ACTN2: variants seen among roughly 807,000 people sequenced by gnomAD.
The protein encoded by ACTN2 is actinin alpha 2, also known as alpha-actinin-2.
In ACTN2, 39 loss-of-function variants were observed where a neutral mutation model predicts 113.8. That is an observed-to-expected ratio of 0.34 (90% confidence interval 0.27 to 0.45). The LOEUF is 0.45. Ranked by LOEUF, ACTN2 falls within the 20% of genes least tolerant of loss-of-function variation. The pLI, the probability that ACTN2 is intolerant of heterozygous loss-of-function variation, is 1.00. For synonymous variants in ACTN2, 429 were observed against 444.1 expected, an observed-to-expected ratio of 0.97 and a Z score of 0.43; for missense variants, 992 against 1,177.9, an observed-to-expected ratio of 0.84 and a Z score of 2.31.
intron 7 of ACTN2, chr1:236,734,548 A>G: frequency 1.4e-6 from 2 of 1,447,762 alleles, no homozygotes; most frequent in South Asian, 2.5e-5. Flanking sequence ...GTCACTGCTC[A>G]CCCTTCACCT....
chr1:236,689,361 T>C (rs1665995543), intron 1 of ACTN2, among the ~76,000 whole-genome samples: 4 of 147,508 alleles, frequency 2.7e-5, no homozygotes. Flanking sequence ...GTATATTTTA[T>C]ATATATATAT....
chr1:236,744,645 G>A lies in ACTN2; in HGVS notation c.1275G>A (p.Leu425=). The change falls in exon 12 of 21, where the codon CTG becomes CTA. Residue 425 remains leucine (L), a synonymous_variant. Transcript: ENST00000366578. The stretch of plus-strand genomic sequence containing the variant: ...TTGCAGGCAAAGAGCAGATCTTGCT[G>A]CAGAAGGATTACGAGTCGGCGTCGC... ...TWAYGKEQIL[L]QKDYESASLT... is the part of the protein sequence containing the mutation. The A allele has an allele frequency of 6.2e-7, 1 of 1,614,190 alleles. No individual in the cohort carries two copies. The highest frequency in any genetic ancestry group is 2.2e-5 in the East Asian group (1 of 44,874).
At chr1:236,727,814 C>T in intron 6 of ACTN2, 58 bp downstream of exon 6, 6 of 1,531,558 alleles carry the variant, frequency 3.9e-6, no homozygotes, top group Non-Finnish European at 5.4e-6. Context: ...GCATGTCCTG[C>T]AAATGAGCAC....
chr1:236,724,770 G>A (rs578108733), intron 4 of ACTN2, among the ~76,000 whole-genome samples: 3 of 152,136 alleles, frequency 2.0e-5, no homozygotes, highest in East Asian at 1.9e-4. Context: ...CCCTGTGCTC[G>A]CAGCTGAAGC....
At position 236,686,800 on chromosome 1, in the gene ACTN2, G is replaced by T. The variant is rs1388442588; in HGVS notation, c.126+1G>T. 6.6e-7 allele frequency: 1 copy of T among 1,504,888 alleles called. No individual in the cohort carries two copies. The highest frequency in any genetic ancestry group is 2.0e-5 in the Admixed American group (1 of 49,476). 93.2% of individuals were successfully genotyped at this position (1,504,888 alleles called of 1,614,324 possible). A position where few individuals can be genotyped will look rare whatever the true frequency, so the allele number is the denominator to read the frequency against. On this transcript the variant is annotated splice_donor_variant, in intron 1 of 20. Transcript: ENST00000366578. LOFTEE classifies it high-confidence loss of function. Reference sequence around the variant, plus strand: ...AGCCTGGGAGAAGCAGCAGAGGAAGGTCAGCAGGGGCCCGCGGGCCGCCCG... The same window carrying T: ...AGCCTGGGAGAAGCAGCAGAGGAAGTTCAGCAGGGGCCCGCGGGCCGCCCG...
chr1:236,742,842 T>G (rs1659112476), intron 10 of ACTN2, 54 bp from the exon 11 acceptor site: 17 of 1,612,168 alleles, frequency 1.1e-5, no homozygotes, highest in African/African-American at 8.0e-5. Context: ...GAGGCCAGAA[T>G]GTAACGAAGG....
intron 1 of ACTN2, among the ~76,000 whole-genome samples, chr1:236,691,275 G>A (rs1179759045): frequency 6.6e-6 from 1 of 151,516 alleles, no homozygotes; most frequent in East Asian, 1.9e-4. Flanking sequence ...TTTATATACT[G>A]GAACACTTGG....
At chr1:236,759,900 T>A in intron 19 of ACTN2, 111 bp downstream of exon 19, 1 of 934,732 alleles carries the variant, frequency 1.1e-6, no homozygotes, top group Non-Finnish European at 1.7e-6. Flanking sequence ...ATTGGTTCGT[T>A]TTCATTATAT....
chr1:236,757,079 T>C lies in ACTN2; in HGVS notation c.2155-407T>C, dbSNP rs1371889333. Among the ~76,000 whole-genome samples, 8 of 13,716 alleles carry C rather than the reference T, an allele frequency of 5.8e-4. 3 individuals are homozygous for C. The East Asian group carries it at 0.012, about 21-fold the overall frequency. 9.0% of individuals were successfully genotyped at this position (13,716 alleles called of 152,430 possible). On this transcript the variant is annotated intron_variant, in intron 17 of 20. Coordinates refer to ENST00000366578, the MANE Select transcript of ACTN2 (RefSeq NM_001103.4). Reference sequence around the variant, plus strand: ...TATACTGCAGAGTGCCTGCTGCCACTGTTAGAACCCTGGTAATAGAGTATA... The same window carrying C: ...TATACTGCAGAGTGCCTGCTGCCACCGTTAGAACCCTGGTAATAGAGTATA...
chr1:236,751,553 C>A lies in ACTN2; in HGVS notation c.1740C>A (p.Asn580Lys), dbSNP rs3738546. 1.1e-5 allele frequency: 17 copies of A among 1,613,964 alleles called. No individual in the cohort carries two copies. In the Admixed American group the frequency reaches 2.7e-4, roughly 25 times the overall value. ...GGCAGTCCATCATGGCCATCCAGAA[C>A]GAGGTGGAGAAGGTGATTCAGAGCT... ...GERQSIMAIQ[N>K]EVEKVIQSYN... is the part of the protein sequence containing the mutation. Residue 580 changes from asparagine (N) to lysine (K), a missense_variant, in exon 15 of 21, where the codon AAC becomes AAA. Physicochemically the swap from Asn to Lys is moderately conservative, Grantham distance 94 (BLOSUM62 0). Transcript: ENST00000366578.
intron 4 of ACTN2, among the ~76,000 whole-genome samples, chr1:236,722,128 G>A (rs1459813304): frequency 2.0e-5 from 3 of 151,966 alleles, no homozygotes; most frequent in African/African-American, 4.8e-5. Context: ...AGTAGATACT[G>A]TCAGTTTGCT....
chr1:236,757,441 T>C (rs1558250225), intron 17 of ACTN2, 45 bp from the exon 18 acceptor site: 4 of 1,613,312 alleles, frequency 2.5e-6, no homozygotes, highest in East Asian at 2.2e-5. Context: ...AGAGTTGACA[T>C]GCTGGAGAGA....
chr1:236,739,949 C>T (rs993996042), intron 10 of ACTN2, among the ~76,000 whole-genome samples: 2 of 152,152 alleles, frequency 1.3e-5, no homozygotes, highest in African/African-American at 4.8e-5. Flanking sequence ...CCCTCTCCAC[C>T]GAATCATGCA....
chr1:236,721,015 G>GGTTTTTGTT, intron 4 of ACTN2, among the ~76,000 whole-genome samples: 42 of 49,168 alleles, frequency 8.5e-4, no homozygotes, highest in African/African-American at 1.3e-3. Flanking sequence ...TCTGGTTTTT[G>GGTTTTTGTT]TTTTTTGTTT....
At chr1:236,687,538 AG>A (rs1665919396) in intron 1 of ACTN2, among the ~76,000 whole-genome samples, 2 of 152,192 alleles carry the variant, frequency 1.3e-5, no homozygotes, top group African/African-American at 4.8e-5. Context: ...TTGACTAGGC[AG>A]GGAGCCTGGT....
chr1:236,735,165 T>C (rs1658830146), intron 7 of ACTN2, among the ~76,000 whole-genome samples: 1 of 152,106 alleles, frequency 6.6e-6, no homozygotes, highest in African/African-American at 2.4e-5. Context: ...CAACAGTTGT[T>C]TGGGTGGGGA....
At chr1:236,701,671 A>C (rs906523993) in intron 1 of ACTN2, among the ~76,000 whole-genome samples, 1 of 152,248 alleles carries the variant, frequency 6.6e-6, no homozygotes, top group African/African-American at 2.4e-5. Flanking sequence ...CTTATTTTAC[A>C]CATCTGCAAA....
chr1:236,743,387 C>G (rs139552577), intron 11 of ACTN2, among the ~76,000 whole-genome samples: 43 of 152,328 alleles, frequency 2.8e-4, no homozygotes, highest in African/African-American at 9.4e-4. Flanking sequence ...GGGCCAACCA[C>G]TAGCCTCTGC....
At chr1:236,728,759 T>G (rs550490606) in intron 6 of ACTN2, among the ~76,000 whole-genome samples, 1 of 152,216 alleles carries the variant, frequency 6.6e-6, no homozygotes, top group South Asian at 2.1e-4. Flanking sequence ...CCGGATGTGG[T>G]GGCTCACACC....
Sources: allele counts gnomAD v4.1 joint callset (sites outside exome capture counted in the v4.1 genomes callset), GRCh38; gene constraint gnomAD v4.1.1; transcripts MANE v1.5; gene names NCBI Gene and HGNC (gene_info 2026-07-23, HGNC 2026-07-21).